The following XIRP2 variants were observed in gnomAD, a reference collection of about 807,000 sequenced individuals.
XIRP2 encodes the protein xin actin binding repeat containing 2, also known as xin actin-binding repeat-containing protein 2.
In XIRP2, 236 loss-of-function variants were observed where a neutral mutation model predicts 277.0. The observed-to-expected ratio is 0.85, with a 90% CI of 0.77 to 0.95. The LOEUF (loss-of-function observed/expected upper bound fraction) is 0.95. Among genes scored for constraint, XIRP2 ranks in the 40% least tolerant of loss-of-function variants. The pLI is 0.00. For missense variants in XIRP2, 4,640 were observed against 4,157.5 expected, an observed-to-expected ratio of 1.12 and a Z score of -3.19; for synonymous variants, 1,490 against 1,416.5, an observed-to-expected ratio of 1.05 and a Z score of -1.17.
chr2:167,214,958 A>G (rs1172446292), intron 4 of XIRP2, among the ~76,000 whole-genome samples: 1 of 152,180 alleles, frequency 6.6e-6, no homozygotes, highest in Non-Finnish European at 1.5e-5. Context: ...TTACCAGGAG[A>G]GCATCCGGTC....
intron 2 of XIRP2, among the ~76,000 whole-genome samples, chr2:167,070,926 C>G (rs752333488): frequency 3.9e-5 from 6 of 152,162 alleles, no homozygotes; most frequent in Non-Finnish European, 4.4e-5. Context: ...CATCTTTATA[C>G]TAAGCATTTG....
intron 2 of XIRP2, among the ~76,000 whole-genome samples, chr2:167,010,984 G>C (rs1687660377): frequency 6.6e-6 from 1 of 152,024 alleles, no homozygotes; most frequent in Non-Finnish European, 1.5e-5. Context: ...GACACAATGG[G>C]GTTTTCTAGA....
At position 167,246,986 on chromosome 2, in the gene XIRP2, A is replaced by G; in HGVS notation, c.5594A>G (p.Lys1865Arg). Residue 1865 changes from lysine (K) to arginine (R), a missense_variant, in exon 9 of 11, where the codon AAA becomes AGA. Transcript: ENST00000409195. ...KTVTKTEEIIKGNMLATLKSL... is the reference protein window; with the variant it reads ...KTVTKTEEIIRGNMLATLKSL... ...GTGACGAAAACAGAAGAAATTATAAAAGGTAACATGCTAGCCACACTCAAG... is the reference window on the plus strand; with the variant it reads ...GTGACGAAAACAGAAGAAATTATAAGAGGTAACATGCTAGCCACACTCAAG... 3 of 1,613,686 alleles carry G rather than the reference A, an allele frequency of 1.9e-6. No homozygotes were observed. The highest frequency in any genetic ancestry group is 2.5e-6 in the Non-Finnish European group (3 of 1,179,760).
chr2:167,082,490 T>G (rs909695896), intron 2 of XIRP2, among the ~76,000 whole-genome samples: 2 of 152,044 alleles, frequency 1.3e-5, no homozygotes, highest in African/African-American at 2.4e-5. Flanking sequence ...CAAATGGTAT[T>G]TCTAGTTCTA....
At chr2:166,987,202 T>C (rs1687029987) in intron 2 of XIRP2, among the ~76,000 whole-genome samples, 1 of 152,172 alleles carries the variant, frequency 6.6e-6, no homozygotes. Flanking sequence ...TGCAAGGGAA[T>C]GGAAGACTAC....
intron 3 of XIRP2, among the ~76,000 whole-genome samples, chr2:167,183,155 G>A (rs146398621): frequency 1.3e-5 from 2 of 152,296 alleles, no homozygotes; most frequent in Non-Finnish European, 2.9e-5. Flanking sequence ...GAAGGGCTTT[G>A]TATATGTTAG....
At chr2:166,947,796 A>G (rs1685918562) in intron 2 of XIRP2, among the ~76,000 whole-genome samples, 1 of 152,180 alleles carries the variant, frequency 6.6e-6, no homozygotes, top group South Asian at 2.1e-4. Flanking sequence ...CCACACAGCA[A>G]TCTGGACAGA....
In XIRP2 at chr2:167,248,046, C is replaced by G. The variant is rs368852123; in HGVS notation, c.6654C>G (p.Asp2218Glu). Residue 2218 changes from aspartate to glutamate, a missense_variant, in exon 9 of 11, where the codon GAC (aspartate) becomes GAG (glutamate). Physicochemically the swap from Asp to Glu is conservative, Grantham distance 45. Coordinates refer to ENST00000409195, the MANE Select transcript of XIRP2 (RefSeq NM_152381.6). ...PMWQLLPVEQ[D>E]TSNVTEMKVS... Reference sequence around the variant, plus strand: ...GGCAGCTTTTGCCTGTAGAGCAAGACACATCCAATGTAACAGAAATGAAAG... The same window carrying G: ...GGCAGCTTTTGCCTGTAGAGCAAGAGACATCCAATGTAACAGAAATGAAAG... The G allele has an allele frequency of 1.9e-6, 3 of 1,613,568 alleles. No homozygotes were observed. The African/African-American group carries it at 4.0e-5, about 22-fold the overall frequency.
intron 3 of XIRP2, among the ~76,000 whole-genome samples, chr2:167,161,545 C>T (rs1692362521): frequency 6.6e-6 from 1 of 152,208 alleles, no homozygotes; most frequent in South Asian, 2.1e-4. Flanking sequence ...GAAGCCATGG[C>T]CCAGGCTCTA....
chr2:167,157,214 C>G (rs1234882590), intron 3 of XIRP2, among the ~76,000 whole-genome samples: 2 of 152,096 alleles, frequency 1.3e-5, no homozygotes, highest in Non-Finnish European at 2.9e-5. Flanking sequence ...TGAGAGAGCT[C>G]AGTGTTTTTA....
At chr2:167,099,454 G>A (rs1169768916) in intron 2 of XIRP2, among the ~76,000 whole-genome samples, 1 of 152,136 alleles carries the variant, frequency 6.6e-6, no homozygotes, top group African/African-American at 2.4e-5. Flanking sequence ...GCTCTGTGGT[G>A]GTGGGATCAA....
At chr2:166,924,434 C>G (rs946252725) in intron 2 of XIRP2, among the ~76,000 whole-genome samples, 2 of 152,000 alleles carry the variant, frequency 1.3e-5, no homozygotes, top group Non-Finnish European at 2.9e-5. Context: ...GCTTTATTTG[C>G]ATAAACTGAT....
At chr2:167,199,840 G>C (rs1025030054) in intron 3 of XIRP2, among the ~76,000 whole-genome samples, 4 of 152,138 alleles carry the variant, frequency 2.6e-5, no homozygotes, top group Admixed American at 1.3e-4. Context: ...CATAAAGGAG[G>C]ATCTGGAAAG....
chr2:167,237,425 T>A (rs1488413149), intron 5 of XIRP2, among the ~76,000 whole-genome samples: 2 of 152,014 alleles, frequency 1.3e-5, no homozygotes, highest in Non-Finnish European at 2.9e-5. Context: ...ACCAGACAAG[T>A]TTTGTTGCTT....
intron 2 of XIRP2, among the ~76,000 whole-genome samples, chr2:167,127,606 C>G (rs550716996): frequency 7.2e-4 from 110 of 152,276 alleles, no homozygotes; most frequent in African/African-American, 2.6e-3. Flanking sequence ...AGACTACCAC[C>G]TTATTGCTGC....
chr2:167,174,140 G>A (rs1303233719), intron 3 of XIRP2, among the ~76,000 whole-genome samples: 1 of 152,154 alleles, frequency 6.6e-6, no homozygotes, highest in Non-Finnish European at 1.5e-5. Flanking sequence ...AAATGAGTTA[G>A]GGAGGAGTCC....
intron 10 of XIRP2, among the ~76,000 whole-genome samples, chr2:167,254,882 A>T (rs1394601744): frequency 6.6e-6 from 1 of 151,254 alleles, no homozygotes; most frequent in Non-Finnish European, 1.5e-5. Context: ...ATTTGGTGTG[A>T]CTGTAGTCTG....
At position 167,153,384 on chromosome 2, in the gene XIRP2, G is replaced by C. The variant is rs528649062; in HGVS notation, c.562+17322G>C. On this transcript the variant is annotated intron_variant, in intron 3 of 10. Transcript: ENST00000409195. ...AGTAAAGTTTTTTTTTTAAGTTTCT[G>C]AACTCAAAATTTTTTTTATTTTTTT... Among the ~76,000 whole-genome samples, 4 of 150,296 alleles carry C rather than the reference G, an allele frequency of 2.7e-5. No individual in the cohort carries two copies. In the East Asian group the frequency reaches 5.8e-4, roughly 22 times the overall value.
chr2:167,096,956 T>G (rs1690336232), intron 2 of XIRP2, among the ~76,000 whole-genome samples: 1 of 152,196 alleles, frequency 6.6e-6, no homozygotes, highest in Non-Finnish European at 1.5e-5. Context: ...AGGAGTGTTT[T>G]ACTTCCAATT....
Sources: gnomAD v4.1 joint callset for allele counts (sites outside exome capture counted in the v4.1 genomes callset) on GRCh38, gnomAD v4.1.1 for gene constraint, MANE v1.5 for transcripts, NCBI Gene and HGNC (gene_info 2026-07-23, HGNC 2026-07-21) for gene names.